RAB4B: variants seen among roughly 807,000 people sequenced by gnomAD.
RAB4B encodes the protein RAB4B, member RAS oncogene family.
A neutral mutation model predicts 28.3 loss-of-function variants in RAB4B; 15 were observed. That is an observed-to-expected ratio of 0.53 (90% CI 0.35 to 0.82). The LOEUF (loss-of-function observed/expected upper bound fraction) is 0.82. Ranked by LOEUF, RAB4B falls within the 40% of genes least tolerant of loss-of-function variation. The pLI is 0.01. For missense variants in RAB4B, 244 were observed against 288.5 expected (o/e 0.85, Z 1.12); for synonymous variants, 108 against 116.3 (o/e 0.93, Z 0.46).
chr19:40,778,307 C>A lies in RAB4B; in HGVS notation c.-69C>A. 1.4e-6 allele frequency: 2 copies of A among 1,445,910 alleles called. No homozygotes were observed. The highest frequency in any genetic ancestry group is 2.4e-5 in the Admixed American group (1 of 41,074). 89.6% of individuals were successfully genotyped at this position (1,445,910 alleles called of 1,614,324 possible). A position where few individuals can be genotyped will look rare whatever the true frequency, so the allele number is the denominator to read the frequency against. ...AGCCGGGGCTGTAGCCGGAGTGGAG[C>A]GGCTGCCAGCCGAGGAGCAGGCGCG... is the stretch of plus-strand genomic sequence containing the variant. On this transcript the variant is annotated 5_prime_UTR_variant, in exon 1 of 8. Transcript: ENST00000357052.
intron 5 of RAB4B, 105 bp downstream of exon 5, chr19:40,784,180 T>G (rs1599742247): frequency 7.2e-7 from 1 of 1,395,490 alleles, no homozygotes. Context: ...AACGTGGAGG[T>G]TCAGAAGTCT....
chr19:40,780,382 C>T lies in RAB4B; in HGVS notation c.98-3C>T, dbSNP rs1370095175. 18 of 1,603,848 alleles carry T rather than the reference C, an allele frequency of 1.1e-5. No individual in the cohort carries two copies. The highest frequency in any genetic ancestry group is 1.7e-5 in the Admixed American group (1 of 58,272). ...CTGCCCCTTCTGTTCCTCCTACTCCCAGTCAAACAGGACTCCAACCACACA... is the reference window on the plus strand; with the variant it reads ...CTGCCCCTTCTGTTCCTCCTACTCCTAGTCAAACAGGACTCCAACCACACA... On this transcript the variant is annotated splice_polypyrimidine_tract_variant and splice_region_variant and intron_variant, in intron 2 of 7. Transcript: ENST00000357052.
intron 7 of RAB4B, among the ~76,000 whole-genome samples, chr19:40,793,029 G>A (rs981731874): frequency 3.9e-5 from 6 of 151,936 alleles, no homozygotes; most frequent in Admixed American, 6.6e-5. Flanking sequence ...CACCCGCCTC[G>A]GTCTCCCAAA....
At chr19:40,778,908 A>C in intron 1 of RAB4B, 2 of 963,274 alleles carry the variant, frequency 2.1e-6, no homozygotes, top group Non-Finnish European at 2.5e-6. Flanking sequence ...GAGGGAGGGA[A>C]GGAGAGGTCG....
chr19:40,787,689 G>T (rs934052199), intron 7 of RAB4B, among the ~76,000 whole-genome samples: 2 of 151,132 alleles, frequency 1.3e-5, no homozygotes, highest in Non-Finnish European at 3.0e-5. Context: ...AGGCAGAGGG[G>T]TCAGGTGGGA....
At chr19:40,784,619 G>T (rs549065943) in intron 5 of RAB4B, among the ~76,000 whole-genome samples, 3 of 152,194 alleles carry the variant, frequency 2.0e-5, no homozygotes, top group Non-Finnish European at 4.4e-5. Context: ...CCCACAGTGT[G>T]CTGTGATGAT....
At chr19:40,779,796 C>G in intron 1 of RAB4B, 1 of 1,205,314 alleles carries the variant, frequency 8.3e-7, no homozygotes, top group Non-Finnish European at 1.1e-6. Context: ...CTCCCTGAAT[C>G]TAAAATAAAA....
At chr19:40,781,469 A>G (rs900972005) in intron 3 of RAB4B, among the ~76,000 whole-genome samples, 1 of 152,116 alleles carries the variant, frequency 6.6e-6, no homozygotes, top group East Asian at 1.9e-4. Context: ...AAGGGTGAGC[A>G]TGAGAGCCAC....
intron 1 of RAB4B, 49 bp from the exon 2 acceptor site, chr19:40,779,970 T>A: frequency 6.2e-7 from 1 of 1,609,176 alleles, no homozygotes. Flanking sequence ...TTTTTCCCTG[T>A]ATCTTTCTCT....
chr19:40,781,699 C>G (rs1277174538), intron 3 of RAB4B, among the ~76,000 whole-genome samples: 1 of 152,062 alleles, frequency 6.6e-6, no homozygotes, highest in African/African-American at 2.4e-5. Context: ...GAAATGCCTG[C>G]AGAGCAGAAA....
intron 7 of RAB4B, chr19:40,792,073 G>A (rs1003201292): frequency 5.9e-5 from 9 of 152,288 alleles, no homozygotes; most frequent in African/African-American, 2.2e-4. Flanking sequence ...TCCAGGGTGG[G>A]ACAGGTGGGG....
chr19:40,792,514 T>C (rs12151282), intron 7 of RAB4B: 42,390 of 152,180 alleles, frequency 0.28, 7,307 homozygotes, highest in East Asian at 0.43. Context: ...AAGGCAAGGC[T>C]TTTTCACACT....
chr19:40,783,147 CAAAAAAAAA>C (rs1168587843), intron 3 of RAB4B, among the ~76,000 whole-genome samples: 2 of 35,716 alleles, frequency 5.6e-5, no homozygotes, highest in African/African-American at 1.5e-4. Context: ...GATTCCTACT[CAAAAAAAAA>C]AAAAAAAAAA....
chr19:40,786,290 C>T, intron 5 of RAB4B: 1 of 316,970 alleles, frequency 3.2e-6, no homozygotes, highest in Non-Finnish European at 6.1e-6. Context: ...CAGGCCCAGG[C>T]AGAAGGGTCA....
intron 7 of RAB4B, among the ~76,000 whole-genome samples, chr19:40,787,979 AAAAAAAAAG>A (rs2083118081): frequency 7.6e-6 from 1 of 132,218 alleles, no homozygotes. Flanking sequence ...AAAAAAAAAA[AAAAAAAAAG>A]AGACATCTGC....
chr19:40,786,986 AC>A lies in RAB4B; in HGVS notation c.*15+9del. 6.2e-7 allele frequency: 1 copy of A among 1,610,004 alleles called. No homozygotes were observed. Among genetic ancestry groups the A allele is most frequent in the Non-Finnish European group, 8.5e-7 (1 of 1,177,108 alleles). On this transcript the variant is annotated intron_variant, in intron 7 of 7. Transcript: ENST00000357052. ...TGAGCTCTGTGGAGCCAGGTGGGACACTGGGGGCTTTAGGGAGGCAGGGCGG... is the reference window on the plus strand; with the variant it reads ...TGAGCTCTGTGGAGCCAGGTGGGACATGGGGGCTTTAGGGAGGCAGGGCGG...
Position 40,778,285 on chromosome 19 carries a change from C to A in RAB4B, c.-91C>A. The A allele has an allele frequency of 7.6e-7, 1 of 1,311,186 alleles. No individual in the cohort carries two copies. Among genetic ancestry groups the A allele is most frequent in the Non-Finnish European group, 1.0e-6 (1 of 975,062 alleles). 81.2% of individuals were successfully genotyped at this position (1,311,186 alleles called of 1,614,324 possible). A position where few individuals can be genotyped will look rare whatever the true frequency, so the allele number is the denominator to read the frequency against. Reference sequence around the variant, plus strand: ...CCGGGCCCGGGGAGTAGGAAGGAGCCGGGGCTGTAGCCGGAGTGGAGCGGC... The same window carrying A: ...CCGGGCCCGGGGAGTAGGAAGGAGCAGGGGCTGTAGCCGGAGTGGAGCGGC... On this transcript the variant is annotated 5_prime_UTR_variant, in exon 1 of 8. Transcript: ENST00000357052.
chr19:40,781,991 A>C (rs1829908826), intron 3 of RAB4B, among the ~76,000 whole-genome samples: 1 of 145,390 alleles, frequency 6.9e-6, no homozygotes, highest in African/African-American at 2.6e-5. Context: ...ACTGCACTCC[A>C]GCCTGGGCGA....
chr19:40,781,039 G>T (rs1377264621), intron 3 of RAB4B, among the ~76,000 whole-genome samples: 1 of 151,014 alleles, frequency 6.6e-6, no homozygotes, highest in Non-Finnish European at 1.5e-5. Context: ...ACTGTGGGAG[G>T]CTGAGGCAGG....
Sources: gnomAD v4.1 joint callset for allele counts (sites outside exome capture counted in the v4.1 genomes callset) on GRCh38, gnomAD v4.1.1 for gene constraint, MANE v1.5 for transcripts, NCBI Gene and HGNC (gene_info 2026-07-23, HGNC 2026-07-21) for gene names.